The following ABCC9 variants were observed in gnomAD, a reference collection of about 807,000 sequenced individuals.
ABCC9 encodes the protein ATP binding cassette subfamily C member 9, also known as ATP-binding cassette sub-family C member 9.
Under a neutral mutation model 188.3 loss-of-function variants are expected in ABCC9, and 95 were observed. The ratio of observed to expected loss-of-function variants is 0.50; its 90% confidence interval spans 0.43 to 0.60. The LOEUF is 0.60. ABCC9 is among the 20% of genes least tolerant of loss of function. The pLI is 0.00. For missense variants in ABCC9, 1,102 were observed against 1,876.3 expected, an observed-to-expected ratio of 0.59 and a Z score of 7.62; for synonymous variants, 659 against 652.7, an observed-to-expected ratio of 1.01 and a Z score of -0.15.
At chr12:21,824,664 T>G (rs1943258150) in intron 31 of ABCC9, among the ~76,000 whole-genome samples, 1 of 152,198 alleles carries the variant, frequency 6.6e-6, no homozygotes, top group African/African-American at 2.4e-5. Context: ...TGCCTCAATT[T>G]CAGAACTTGT....
At chr12:21,933,286 T>A (rs954690632) in intron 4 of ABCC9, among the ~76,000 whole-genome samples, 3 of 151,952 alleles carry the variant, frequency 2.0e-5, no homozygotes, top group African/African-American at 4.8e-5. Context: ...CTAGGATTAA[T>A]ACCAGGGTGA....
intron 30 of ABCC9, chr12:21,831,260 C>G (rs1943745835): frequency 6.6e-6 from 1 of 152,068 alleles, no homozygotes; most frequent in African/African-American, 2.4e-5. Context: ...CCATGTTGGC[C>G]AGGATGGTCT....
chr12:21,803,206 T>G (rs767696219), intron 39 of ABCC9, among the ~76,000 whole-genome samples: 3 of 152,082 alleles, frequency 2.0e-5, no homozygotes, highest in Non-Finnish European at 2.9e-5. Flanking sequence ...AGCTATCCAA[T>G]AATATCTGCT....
intron 31 of ABCC9, among the ~76,000 whole-genome samples, chr12:21,820,762 T>G (rs1942992600): frequency 6.6e-6 from 1 of 152,168 alleles, no homozygotes; most frequent in African/African-American, 2.4e-5. Flanking sequence ...GAGGTTCAAC[T>G]CAAACATCAC....
chr12:21,848,430 T>G (rs1944796427), intron 24 of ABCC9, among the ~76,000 whole-genome samples, 184 bp from the exon 25 acceptor site: 2 of 152,238 alleles, frequency 1.3e-5, no homozygotes, highest in East Asian at 1.9e-4. Flanking sequence ...AGACTTGTAG[T>G]AAGTGCTGCA....
At chr12:21,823,039 C>T (rs1943148899) in intron 31 of ABCC9, among the ~76,000 whole-genome samples, 1 of 152,154 alleles carries the variant, frequency 6.6e-6, no homozygotes, top group Non-Finnish European at 1.5e-5. Flanking sequence ...CTGCTATAGC[C>T]TTACACATCC....
intron 28 of ABCC9, 81 bp downstream of exon 28, chr12:21,844,402 G>C: frequency 8.5e-7 from 1 of 1,171,296 alleles, no homozygotes; most frequent in Non-Finnish European, 1.3e-6. Flanking sequence ...TTGTTAATAG[G>C]AATTATACTT....
At chr12:21,917,139 C>A (rs1035335193) in intron 5 of ABCC9, 36 bp from the exon 6 acceptor site, 1 of 1,603,924 alleles carries the variant, frequency 6.2e-7, no homozygotes, top group Middle Eastern at 1.7e-4. Flanking sequence ...AAGATGCAAT[C>A]TTTTCTTAAA....
intron 11 of ABCC9, among the ~76,000 whole-genome samples, chr12:21,907,046 G>C (rs191293025): frequency 6.6e-6 from 1 of 152,192 alleles, no homozygotes; most frequent in Admixed American, 6.6e-5. Flanking sequence ...TCAAAAGACA[G>C]ATAGGAGAAA....
intron 5 of ABCC9, among the ~76,000 whole-genome samples, chr12:21,925,732 G>C (rs1177360032): frequency 6.6e-6 from 1 of 151,870 alleles, no homozygotes. Flanking sequence ...TGACCTGGGG[G>C]TAAGGAATTT....
At chr12:21,832,318 A>G (rs1490169528) in intron 30 of ABCC9, among the ~76,000 whole-genome samples, 1 of 152,188 alleles carries the variant, frequency 6.6e-6, no homozygotes, top group Non-Finnish European at 1.5e-5. Context: ...TCATCAGTAA[A>G]TATTAACTTT....
At chr12:21,923,667 TAGTG>T in intron 5 of ABCC9, 1 of 581,058 alleles carries the variant, frequency 1.7e-6, no homozygotes, top group Non-Finnish European at 3.1e-6. Flanking sequence ...TACACCTTGT[TAGTG>T]AGTATAAAAA....
At chr12:21,875,784 A>G (rs1282945671) in intron 16 of ABCC9, 58 bp from the exon 17 acceptor site, 10 of 1,405,690 alleles carry the variant, frequency 7.1e-6, no homozygotes, top group Non-Finnish European at 1.0e-5. Context: ...AATAATTCTA[A>G]TTAAAATAAT....
chr12:21,851,733 T>C (rs1021276403), intron 24 of ABCC9, among the ~76,000 whole-genome samples: 2 of 152,116 alleles, frequency 1.3e-5, no homozygotes, highest in African/African-American at 4.8e-5. Context: ...TTAGTGAAAA[T>C]ATTCTACTTT....
chr12:21,850,433 G>T (rs185169067), intron 24 of ABCC9, among the ~76,000 whole-genome samples: 1 of 152,138 alleles, frequency 6.6e-6, no homozygotes, highest in Admixed American at 6.6e-5. Flanking sequence ...TTCTGGGCAG[G>T]TGCGTGATTC....
At chr12:21,867,686 A>C (rs1405048676) in intron 18 of ABCC9, among the ~76,000 whole-genome samples, 3 of 152,144 alleles carry the variant, frequency 2.0e-5, no homozygotes, top group African/African-American at 2.4e-5. Flanking sequence ...CATGAAAAGG[A>C]ATATTTCCTC....
chr12:21,894,163 G>C lies in ABCC9; in HGVS notation c.1671C>G (p.Thr557=). The change falls in exon 14 of 40, where the codon ACC becomes ACG. Residue 557 remains threonine (T), a synonymous_variant. Coordinates refer to ENST00000261200, the MANE Select transcript of ABCC9 (RefSeq NM_020297.4). The part of the protein sequence containing the change: ...PIAAVLATFV[T]HAYASGNNLK... The stretch of plus-strand genomic sequence containing the variant: ...GATTGTTTCCACTGGCATACGCATG[G>C]GTCACAAATGTCTGTGCAAAGAAAG... The C allele has an allele frequency of 1.2e-6, 2 of 1,613,920 alleles. No individual in the cohort carries two copies. Among genetic ancestry groups the C allele is most frequent in the Non-Finnish European group, 1.7e-6 (2 of 1,179,962 alleles).
intron 22 of ABCC9, among the ~76,000 whole-genome samples, chr12:21,857,127 C>T (rs963470851): frequency 1.3e-5 from 2 of 152,106 alleles, no homozygotes. Flanking sequence ...CAATAAGTTG[C>T]AATGGAGTAA....
At chr12:21,845,928 A>T (rs1592055010) in intron 25 of ABCC9, 96 bp from the exon 26 acceptor site, 4 of 944,848 alleles carry the variant, frequency 4.2e-6, no homozygotes, top group East Asian at 2.6e-5. Context: ...TCATACATTT[A>T]TAAAAATGTA....
Sources: allele counts gnomAD v4.1 joint callset (sites outside exome capture counted in the v4.1 genomes callset), GRCh38; gene constraint gnomAD v4.1.1; transcripts MANE v1.5; gene names NCBI Gene and HGNC (gene_info 2026-07-23, HGNC 2026-07-21).